Variants in PCDHGA3 observed in about 807,000 individuals in gnomAD.
PCDHGA3 encodes protocadherin gamma subfamily A, 3.
PCDHGA3 carries 40 observed loss-of-function variants against 58.5 expected under a neutral mutation model. That is an observed-to-expected ratio of 0.68 (90% CI 0.53 to 0.89). PCDHGA3 has a LOEUF of 0.89. Among genes scored for constraint, PCDHGA3 ranks in the 40% least tolerant of loss-of-function variants. The pLI, the probability that PCDHGA3 is intolerant of heterozygous loss-of-function variation, is 0.00. For synonymous variants in PCDHGA3, 530 were observed against 525.7 expected, an observed-to-expected ratio of 1.01 and a Z score of -0.11; for missense variants, 1,223 against 1,195.9, an observed-to-expected ratio of 1.02 and a Z score of -0.33.
chr5:141,475,990 A>T, intron 1 of PCDHGA3: 1 of 1,140,672 alleles, frequency 8.8e-7, no homozygotes, highest in Non-Finnish European at 1.2e-6. Context: ...CGGCGAGCAA[A>T]TCAACGGCAT....
Position 141,486,912 on chromosome 5 carries a change from T to C in PCDHGA3, c.2425-7895T>C. The stretch of plus-strand genomic sequence containing the variant: ...CCTGGTTCCTTATGTCCCCAAGCAC[T>C]GCCTCCATCAGTTGGTGCTGGCCAC... On this transcript the variant is annotated intron_variant, in intron 1 of 3. Coordinates refer to ENST00000253812, the MANE Select transcript of PCDHGA3 (RefSeq NM_018916.4). This position sits in a 1 kb window ranked among gnomAD's most constrained non-coding sequence, Gnocchi z 5.0. The C allele has an allele frequency of 1.2e-6, 2 of 1,614,246 alleles. No homozygotes were observed. Among genetic ancestry groups the C allele is most frequent in the Non-Finnish European group, 1.7e-6 (2 of 1,180,040 alleles).
Position 141,360,726 on chromosome 5 carries a change from A to G in PCDHGA3, c.2424+14269A>G, listed in dbSNP as rs546905813. On this transcript the variant is annotated intron_variant, in intron 1 of 3. Coordinates refer to ENST00000253812, the MANE Select transcript of PCDHGA3 (RefSeq NM_018916.4). ...GTAAATATCCTGAGTTGATTCTAAA[A>G]CACTCTCTGGACAGAGAAGAGCACA... The G allele has an allele frequency of 1.6e-5, 26 of 1,613,970 alleles. No individual in the cohort carries two copies. In the Admixed American group the frequency reaches 4.3e-4, roughly 27 times the overall value.
intron 1 of PCDHGA3, chr5:141,370,391 C>A (rs1766857480): frequency 1.9e-6 from 3 of 1,542,934 alleles, no homozygotes; most frequent in African/African-American, 1.4e-5. Context: ...GCGCAGAGAG[C>A]GGGATGGGAA....
In PCDHGA3 at chr5:141,431,770, T is replaced by G. The variant is rs748816389; in HGVS notation, c.2425-63037T>G. The G allele has an allele frequency of 3.7e-6, 6 of 1,614,204 alleles. No homozygotes were observed. In the South Asian group the frequency reaches 6.6e-5, roughly 18 times the overall value. ...CGCGAGCCAAAGTCCTGATCACTGT[T>G]CTGGACGTGAACGACAATGCCCCAG... On this transcript the variant is annotated intron_variant, in intron 1 of 3. Coordinates refer to ENST00000253812, the MANE Select transcript of PCDHGA3 (RefSeq NM_018916.4). The surrounding 1 kb of genome is among the most constrained non-coding windows in gnomAD (Gnocchi z 4.8).
intron 1 of PCDHGA3, chr5:141,422,116 T>A (rs753281558): frequency 2.5e-6 from 4 of 1,604,730 alleles, no homozygotes; most frequent in Non-Finnish European, 3.4e-6. Context: ...CCAATTGGAT[T>A]CACAAACTGG....
Position 141,490,140 on chromosome 5 carries a change from G to T in PCDHGA3, c.2425-4667G>T. On this transcript the variant is annotated intron_variant, in intron 1 of 3. Transcript: ENST00000253812. This position sits in a 1 kb window ranked among gnomAD's most constrained non-coding sequence, Gnocchi z 5.4. Reference sequence around the variant, plus strand: ...TCTTTGGCCTAGACCCTAGCAGTGGGGCAATCCATGTGTTGGGTCCCATAG... The same window carrying T: ...TCTTTGGCCTAGACCCTAGCAGTGGTGCAATCCATGTGTTGGGTCCCATAG... 1 of 1,614,206 alleles carries T rather than the reference G, an allele frequency of 6.2e-7. No homozygotes were observed. The highest frequency in any genetic ancestry group is 8.5e-7 in the Non-Finnish European group (1 of 1,180,026).
At chr5:141,367,576 C>T (rs1435052087) in intron 1 of PCDHGA3, 1 of 138,304 alleles carries the variant, frequency 7.2e-6, no homozygotes, top group African/African-American at 2.7e-5. Context: ...AAATAAATAT[C>T]AGAAAAGTAG....
chr5:141,361,499 C>T (rs1762048821), intron 1 of PCDHGA3: 3 of 1,613,948 alleles, frequency 1.9e-6, no homozygotes, highest in South Asian at 1.1e-5. Context: ...TTCCAACAGA[C>T]TTCCTACATG....
chr5:141,475,542 G>A (rs1182059354), intron 1 of PCDHGA3, among the ~76,000 whole-genome samples: 1 of 152,174 alleles, frequency 6.6e-6, no homozygotes, highest in East Asian at 1.9e-4. Flanking sequence ...TTACAAGTAG[G>A]GTCCGGCTAA....
intron 1 of PCDHGA3, chr5:141,375,735 T>C: frequency 6.2e-7 from 1 of 1,614,254 alleles, no homozygotes; most frequent in Non-Finnish European, 8.5e-7. Context: ...CTGAGCCTGT[T>C]TGTGCTGGAC....
chr5:141,355,972 G>A lies in PCDHGA3; in HGVS notation c.2424+9515G>A. ...AAGTGTTCGTGAGAACGTTCCTGTAGGCACTCGGCTACTCACCGTAAAAGC... is the reference window on the plus strand; with the variant it reads ...AAGTGTTCGTGAGAACGTTCCTGTAAGCACTCGGCTACTCACCGTAAAAGC... On this transcript the variant is annotated intron_variant, in intron 1 of 3. Coordinates refer to ENST00000253812, the MANE Select transcript of PCDHGA3 (RefSeq NM_018916.4). 1 of 1,613,860 alleles carries A rather than the reference G, an allele frequency of 6.2e-7. No homozygotes were observed. Among genetic ancestry groups the A allele is most frequent in the Non-Finnish European group, 8.5e-7 (1 of 1,179,866 alleles).
chr5:141,383,253 T>C (rs563605516), intron 1 of PCDHGA3: 4 of 1,613,928 alleles, frequency 2.5e-6, no homozygotes, highest in Middle Eastern at 1.6e-4. Context: ...ATCTTTACCC[T>C]ATAGACGTGG....
intron 1 of PCDHGA3, among the ~76,000 whole-genome samples, chr5:141,461,267 T>C (rs2099012147): frequency 6.6e-6 from 1 of 152,140 alleles, no homozygotes; most frequent in Admixed American, 6.6e-5. Flanking sequence ...AATGTGTAAG[T>C]GTTCTCTTTT....
chr5:141,363,158 A>G (rs1432648043), intron 1 of PCDHGA3, among the ~76,000 whole-genome samples: 1 of 152,238 alleles, frequency 6.6e-6, no homozygotes, highest in Non-Finnish European at 1.5e-5. Context: ...GTGAGAAATC[A>G]TTCTCTAACA....
At chr5:141,351,234 C>A in intron 1 of PCDHGA3, 3 of 1,614,006 alleles carry the variant, frequency 1.9e-6, no homozygotes, top group Non-Finnish European at 2.5e-6. Context: ...GTACACACAG[C>A]TCACTGTAAT....
intron 1 of PCDHGA3, chr5:141,392,953 A>T: frequency 6.2e-7 from 1 of 1,613,924 alleles, no homozygotes; most frequent in Non-Finnish European, 8.5e-7. Context: ...TTCGTGGGTA[A>T]TATCTCCAAG....
chr5:141,358,814 G>A (rs1210992223), intron 1 of PCDHGA3, among the ~76,000 whole-genome samples: 1 of 152,204 alleles, frequency 6.6e-6, no homozygotes. Context: ...GATTTACGCT[G>A]CTTAGTAAGG....
At chr5:141,408,884 A>G (rs755835568) in intron 1 of PCDHGA3, 2 of 1,613,384 alleles carry the variant, frequency 1.2e-6, no homozygotes, top group Non-Finnish European at 1.7e-6. Context: ...CACCGCTCAC[A>G]TAGAAATTTC....
Position 141,485,538 on chromosome 5 carries a change from A to T in PCDHGA3, c.2425-9269A>T. ...TTGGAAATGTACCGAGCAGAGGTAG[A>T]GATCGTAGATGTGAATGATCACGCC... On this transcript the variant is annotated intron_variant, in intron 1 of 3. Transcript: ENST00000253812. The surrounding 1 kb of genome is among the most constrained non-coding windows in gnomAD (Gnocchi z 5.7). The T allele has an allele frequency of 6.2e-7, 1 of 1,614,162 alleles. No individual in the cohort carries two copies. Among genetic ancestry groups the T allele is most frequent in the Admixed American group, 1.7e-5 (1 of 60,012 alleles).
Sources: gnomAD v4.1 joint callset for allele counts (sites outside exome capture counted in the v4.1 genomes callset) on GRCh38, gnomAD v4.1.1 for gene constraint, Gnocchi (gnomAD v3.1) non-coding constraint, MANE v1.5 for transcripts, NCBI Gene and HGNC (gene_info 2026-07-23, HGNC 2026-07-21) for gene names.